The following MED16 variants were observed in gnomAD, a reference collection of about 807,000 sequenced individuals.
MED16 encodes mediator of RNA polymerase II transcription subunit 16.
In MED16, 81 loss-of-function variants were observed where a neutral mutation model predicts 84.4. That is an observed-to-expected ratio of 0.96 (90% CI 0.80 to 1.15). The LOEUF is 1.15. MED16 is among the 50% of genes most tolerant of loss of function. The pLI, the probability that MED16 is intolerant of heterozygous loss-of-function variation, is 0.00. For synonymous variants in MED16, 897 were observed against 552.2 expected (o/e 1.62, Z -8.76); for missense variants, 1,585 against 1,245.9 (o/e 1.27, Z -4.10).
At position 890,170 on chromosome 19, in the gene MED16, C is replaced by T. The variant is rs759087690; in HGVS notation, c.244G>A (p.Glu82Lys). The change falls in exon 3 of 16, where the codon GAG becomes AAG. Residue 82 changes from glutamate (E) to lysine (K), a missense_variant. Coordinates refer to ENST00000325464, the MANE Select transcript of MED16 (RefSeq NM_005481.3). The stretch of plus-strand genomic sequence containing the variant: ...TCCCACTCCAGGCAGGTGATGGCCT[C>T]GTGGTGCTCTGAGGGGATCGAGTGC... ...DLHSIPSEHH[E>K]AITCLEWDQS... is the part of the protein sequence containing the mutation. 3.8e-5 allele frequency: 59 copies of T among 1,552,324 alleles called. No homozygotes were observed. The highest frequency in any genetic ancestry group is 2.7e-5 in the African/African-American group (2 of 73,110).
At chr19:881,936 C>T (rs2036429928) in intron 6 of MED16, among the ~76,000 whole-genome samples, 1 of 152,202 alleles carries the variant, frequency 6.6e-6, no homozygotes, top group South Asian at 2.1e-4. Context: ...AAGGTGGGCC[C>T]TGGGATTTCA....
chr19:878,684 C>T (rs1186058568), intron 8 of MED16, among the ~76,000 whole-genome samples: 1 of 129,530 alleles, frequency 7.7e-6, no homozygotes, highest in African/African-American at 2.9e-5. Flanking sequence ...CCCAACAGCC[C>T]CAACCCCACG....
rs1350154163 is a variant in MED16, at chr19:873,047, TCCG to T, written c.1905+399_1905+401del. 12 of 177,140 alleles carry T rather than the reference TCCG, an allele frequency of 6.8e-5. 2 individuals carry two copies. The African/African-American group carries it at 1.1e-3, about 16-fold the overall frequency. The allele number at this position is 177,140 out of a possible 1,614,324, so 11.0% of individuals were successfully genotyped here. A position where few individuals can be genotyped will look rare whatever the true frequency, so the allele number is the denominator to read the frequency against. ...GCAGGGCTCCGAGGTGGGGCAGGGC[TCCG>T]AGGTGGGGCAGGGCTCCGAGGTGGG... On this transcript the variant is annotated intron_variant, in intron 11 of 15. Coordinates refer to ENST00000325464, the MANE Select transcript of MED16 (RefSeq NM_005481.3).
At chr19:889,488 G>GTAT in intron 4 of MED16, 150 bp downstream of exon 4, 1 of 821,470 alleles carries the variant, frequency 1.2e-6, no homozygotes, top group South Asian at 1.9e-5. Flanking sequence ...GAACACACAG[G>GTAT]TGCTAATGAC....
At chr19:881,845 C>CA in intron 6 of MED16, 131 bp from the exon 7 acceptor site, 1 of 1,130,922 alleles carries the variant, frequency 8.8e-7, no homozygotes, top group East Asian at 2.5e-5. Context: ...GCCCTGCTCC[C>CA]ATGCCCAGAA....
chr19:869,044 G>T, intron 13 of MED16, 98 bp from the exon 14 acceptor site: 1 of 1,055,698 alleles, frequency 9.5e-7, no homozygotes, highest in Non-Finnish European at 1.3e-6. Context: ...GGGAATGGCC[G>T]GCCTCACACC....
intron 3 of MED16, 26 bp downstream of exon 3, chr19:890,111 C>T: frequency 6.6e-7 from 1 of 1,524,622 alleles, no homozygotes; most frequent in African/African-American, 1.4e-5. Flanking sequence ...GTCGCCACCC[C>T]TGGCCACGTG....
intron 4 of MED16, among the ~76,000 whole-genome samples, chr19:886,872 T>C (rs1555718422): frequency 6.6e-6 from 1 of 152,032 alleles, no homozygotes; most frequent in Non-Finnish European, 1.5e-5. Flanking sequence ...GGTCAGCAGT[T>C]CAAGACCAGC....
chr19:883,421 G>T (rs1344228700), intron 6 of MED16, among the ~76,000 whole-genome samples: 14 of 148,312 alleles, frequency 9.4e-5, no homozygotes, highest in African/African-American at 1.3e-4. Context: ...TGGCACGGTG[G>T]GCACGTGGGG....
chr19:883,107 T>C (rs886708505), intron 6 of MED16, among the ~76,000 whole-genome samples: 1 of 152,134 alleles, frequency 6.6e-6, no homozygotes, highest in Non-Finnish European at 1.5e-5. Flanking sequence ...CATCCCCTCC[T>C]CCATCCAACT....
chr19:883,524 G>A (rs557539588), intron 6 of MED16, among the ~76,000 whole-genome samples: 14 of 152,256 alleles, frequency 9.2e-5, no homozygotes, highest in Middle Eastern at 3.4e-3. Flanking sequence ...AGATGGGTGC[G>A]GTGGGGACTG....
intron 6 of MED16, 79 bp from the exon 7 acceptor site, chr19:881,793 C>T (rs2036427547): frequency 2.6e-6 from 4 of 1,527,820 alleles, no homozygotes; most frequent in Non-Finnish European, 3.6e-6. Context: ...CCAGCATGGC[C>T]TGGTGTGCAA....
rs944949773 is a variant in MED16 at position 891,125 on chromosome 19, C to G, written c.7G>C (p.Asp3His). MCDLRRPAAGGMM... is the reference protein window; with the variant it reads MCHLRRPAAGGMM... ...CCACCTGCCGCTGGCCGCCGCAAAT[C>G]ACACATGAGGGCAGTCACCAGCTCC... The change falls in exon 2 of 16, where the codon GAT (aspartate) becomes CAT (histidine). Residue 3 changes from aspartate to histidine, a missense_variant. Physicochemically the swap from Asp to His is moderately conservative, Grantham distance 81. Transcript: ENST00000325464. 7 of 1,612,866 alleles carry G rather than the reference C, an allele frequency of 4.3e-6. No homozygotes were observed. The highest frequency in any genetic ancestry group is 5.9e-6 in the Non-Finnish European group (7 of 1,179,448).
intron 15 of MED16, 65 bp downstream of exon 15, chr19:868,351 A>AGTAGCTGAGGGGCAGCTGGGCTCAGGG (rs942181807): frequency 9.5e-6 from 15 of 1,583,966 alleles, no homozygotes; most frequent in Admixed American, 8.6e-5. Flanking sequence ...GTAGCTGAGG[A>AGTAGCTGAGGGGCAGCTGGGCTCAGGG]GTAGCTGAGG....
intron 7 of MED16, 105 bp downstream of exon 7, chr19:881,454 C>T: frequency 7.4e-7 from 1 of 1,360,418 alleles, no homozygotes; most frequent in Admixed American, 2.3e-5. Flanking sequence ...GCTCAGAGCC[C>T]ACGTCCTCTG....
rs1183598721 is a variant in MED16 at position 890,977 on chromosome 19, C to T, written c.155G>A (p.Arg52His). The T allele has an allele frequency of 6.2e-7, 1 of 1,613,632 alleles. No homozygotes were observed. The highest frequency in any genetic ancestry group is 1.1e-5 in the South Asian group (1 of 91,062). ...GGGGGACGCACCCTGGTCATCGCTG[C>T]GCAGGTCCATGGTGAAGGCGATGAG... ...RNLIAFTMDL[R>H]SDDQDLTRMI... The change falls in exon 2 of 16, where the codon CGC becomes CAC. Residue 52 changes from arginine (R) to histidine (H), a missense_variant. Arg to His is a conservative substitution (Grantham distance 29). Transcript: ENST00000325464.
intron 8 of MED16, among the ~76,000 whole-genome samples, chr19:878,473 A>C (rs1220058805): frequency 3.8e-5 from 5 of 130,534 alleles, no homozygotes; most frequent in East Asian, 2.4e-4. Context: ...CCAGCAGCTC[A>C]CCTTCCCCTG....
At chr19:888,378 G>A (rs932924884) in intron 4 of MED16, among the ~76,000 whole-genome samples, 2 of 151,648 alleles carry the variant, frequency 1.3e-5, no homozygotes, top group African/African-American at 4.9e-5. Flanking sequence ...ACAAAAATTA[G>A]CCAGGTGTGG....
chr19:869,025 G>C, intron 13 of MED16, 79 bp from the exon 14 acceptor site: 1 of 1,258,052 alleles, frequency 7.9e-7, no homozygotes, highest in Middle Eastern at 2.7e-4. Context: ...GTCCACAGGC[G>C]GGGGTGGAGG....
Sources: allele counts gnomAD v4.1 joint callset (sites outside exome capture counted in the v4.1 genomes callset), GRCh38; gene constraint gnomAD v4.1.1; transcripts MANE v1.5; gene names NCBI Gene and HGNC (gene_info 2026-07-23, HGNC 2026-07-21).